TAAR2: variants seen among roughly 807,000 people sequenced by gnomAD.
TAAR2 encodes trace amine associated receptor 2.
In TAAR2, 30 loss-of-function variants were observed where a neutral mutation model predicts 25.5. The ratio of observed to expected loss-of-function variants is 1.18; its 90% confidence interval spans 0.88 to 1.60. The LOEUF is 1.60. TAAR2 is among the 40% of genes most tolerant of loss of function. The probability of loss-of-function intolerance (pLI) is 0.00; values close to 1 mark genes in which losing one functional copy is unlikely to be tolerated. For synonymous variants in TAAR2, 150 were observed against 142.4 expected (o/e 1.05, Z -0.38); for missense variants, 481 against 416.5 (o/e 1.15, Z -1.35).
At chr6:132,622,503 T>C (rs1777387908) in intron 1 of TAAR2, among the ~76,000 whole-genome samples, 1 of 131,910 alleles carries the variant, frequency 7.6e-6, no homozygotes, top group African/African-American at 3.4e-5. Context: ...TTTTTTTTTT[T>C]GAGGCGGAGT....
In TAAR2 at chr6:132,624,207, A is replaced by G. The variant is rs1777412898; in HGVS notation, c.60+9T>C. The G allele has an allele frequency of 6.2e-7, 1 of 1,613,304 alleles. No individual in the cohort carries two copies. Among genetic ancestry groups the G allele is most frequent in the African/African-American group, 1.3e-5 (1 of 75,006 alleles). On this transcript the variant is annotated intron_variant, in intron 1 of 1. Coordinates refer to ENST00000367931, the MANE Select transcript of TAAR2 (RefSeq NM_001033080.1). Reference sequence around the variant, plus strand: ...TGGTTTAAACTTAGTCATATGTTTAAGGGCCTACCTTTTTTGTCTGTGTTC... The same window carrying G: ...TGGTTTAAACTTAGTCATATGTTTAGGGGCCTACCTTTTTTGTCTGTGTTC...
chr6:132,618,178 A>C, intron 1 of TAAR2, 33 bp from the exon 2 acceptor site: 1 of 1,526,928 alleles, frequency 6.5e-7, no homozygotes, highest in Non-Finnish European at 8.8e-7. Flanking sequence ...GAATTTTGTC[A>C]GAATATAAAT....
In TAAR2 at chr6:132,617,303, T is replaced by C. The variant is rs771142804; in HGVS notation, c.903A>G (p.Thr301=). 5.0e-6 allele frequency: 8 copies of C among 1,613,508 alleles called. No homozygotes were observed. In the Admixed American group the frequency reaches 1.0e-4, roughly 20 times the overall value. Residue 301 remains threonine (T), a synonymous_variant, in exon 2 of 2, where the codon ACA becomes ACG. Coordinates refer to ENST00000367931, the MANE Select transcript of TAAR2 (RefSeq NM_001033080.1). ...ATGTGGAGTTAAAATAGCCAAACCA[T>C]GTCAAGGCATCAAACAAAACTACAG... The part of the protein sequence containing the change: ...STPVVLFDAL[T]WFGYFNSTCN...
rs541514878 is a variant in TAAR2, at chr6:132,618,767, C to T, written c.61-622G>A. 2.9e-4 allele frequency among the ~76,000 whole-genome samples: 44 copies of T among 152,128 alleles called. 1 individual carries two copies. The highest frequency in any genetic ancestry group is 5.4e-4 in the Non-Finnish European group (37 of 68,022). Reference sequence around the variant, plus strand: ...AAACAAATTATTGAGCTGTATCTTACGTGTGTAGGAAGAATAGATATCTAT... The same window carrying T: ...AAACAAATTATTGAGCTGTATCTTATGTGTGTAGGAAGAATAGATATCTAT... On this transcript the variant is annotated intron_variant, in intron 1 of 1. Transcript: ENST00000367931.
intron 1 of TAAR2, among the ~76,000 whole-genome samples, chr6:132,623,706 GA>G (rs5880137): frequency 1.3e-3 from 185 of 140,468 alleles, no homozygotes; most frequent in East Asian, 2.0e-3. Flanking sequence ...ATCTGAAAGT[GA>G]AAAAAAAAAA....
rs207467452 is a variant in TAAR2 at position 132,617,786 on chromosome 6, A to G, written c.420T>C (p.Asp140=). ...ATGGGTAACATATAGCATAAAATCT[A>G]TCAATGGCCACTGAGCAAAGATGAA... ...SIFHLCSVAI[D]RFYAICYPLL... The change falls in exon 2 of 2, where the codon GAT becomes GAC. Residue 140 remains aspartate, a synonymous_variant. Transcript: ENST00000367931. The G allele has an allele frequency of 6.2e-7, 1 of 1,614,128 alleles. No homozygotes were observed. Among genetic ancestry groups the G allele is most frequent in the Non-Finnish European group, 8.5e-7 (1 of 1,180,004 alleles).
chr6:132,624,117 T>C, intron 1 of TAAR2, 99 bp downstream of exon 1: 1 of 1,128,206 alleles, frequency 8.9e-7, no homozygotes, highest in South Asian at 1.4e-5. Context: ...TCTGGAGGAA[T>C]TGAGCATAAT....
chr6:132,618,804 T>C (rs2114609981), intron 1 of TAAR2, among the ~76,000 whole-genome samples: 1 of 152,328 alleles, frequency 6.6e-6, no homozygotes, highest in African/African-American at 2.4e-5. Flanking sequence ...AGACAATACA[T>C]GTACTTCTTC....
In TAAR2 at chr6:132,617,475, T is replaced by C. The variant is rs375499103; in HGVS notation, c.731A>G (p.Asn244Ser). 4 of 1,613,846 alleles carry C rather than the reference T, an allele frequency of 2.5e-6. No homozygotes were observed. Among genetic ancestry groups the C allele is most frequent in the African/African-American group, 1.3e-5 (1 of 74,908 alleles). Residue 244 changes from asparagine to serine, a missense_variant, in exon 2 of 2, where the codon AAT becomes AGT. By Grantham distance (46) the Asn-to-Ser change is conservative. Coordinates refer to ENST00000367931, the MANE Select transcript of TAAR2 (RefSeq NM_001033080.1). ...ATTATTTTGATTTTCTCGCAAGTTA[T>C]TGATGGCATGAGCATGTTTTCTGGA... ...AVSRKHAHAI[N>S]NLRENQNNQV...
chr6:132,622,909 T>A (rs1369463909), intron 1 of TAAR2, among the ~76,000 whole-genome samples: 1 of 152,236 alleles, frequency 6.6e-6, no homozygotes, highest in African/African-American at 2.4e-5. Flanking sequence ...GTTCAATTTC[T>A]ATCAAATATT....
At position 132,618,024 on chromosome 6, in the gene TAAR2, T is replaced by A. The variant is rs752518884; in HGVS notation, c.182A>T (p.Asn61Ile). ...GGAAATGGAAATTATCATGGCAAGA[T>A]TGCCAAATATTGTGATGAATATGGA... ...AGSIFITIFG[N>I]LAMIISISYF... Residue 61 changes from asparagine (N) to isoleucine (I), a missense_variant, in exon 2 of 2, where the codon AAT becomes ATT. Transcript: ENST00000367931. The A allele has an allele frequency of 1.2e-6, 2 of 1,614,064 alleles. No homozygotes were observed.
chr6:132,617,222 GTA>G lies in TAAR2; in HGVS notation c.982_983del (p.Tyr328HisfsTer5). 6.2e-7 allele frequency: 1 copy of G among 1,610,510 alleles called. No individual in the cohort carries two copies. The highest frequency in any genetic ancestry group is 1.3e-5 in the African/African-American group (1 of 74,844). On this transcript the variant is annotated frameshift_variant, in exon 2 of 2. Transcript: ENST00000367931. LOFTEE classifies it high-confidence loss of function. ...AGCTGAAAATTTTACCTAGCAAAAT[GTA>G]CTTCAGTGCTCTGCGAAACCAGGGA... is the stretch of plus-strand genomic sequence containing the variant. The part of the protein sequence containing the change: ...FYPWFRRALK[Y>X]ILLGKIFSSC...
intron 1 of TAAR2, among the ~76,000 whole-genome samples, chr6:132,622,523 T>C (rs905034197): frequency 4.4e-5 from 6 of 135,608 alleles, no homozygotes; most frequent in Non-Finnish European, 6.2e-5. Context: ...TCTCCCTCTG[T>C]AGCCCAGGCT....
chr6:132,618,642 G>GA (rs879678522), intron 1 of TAAR2, among the ~76,000 whole-genome samples: 508 of 141,184 alleles, frequency 3.6e-3, no homozygotes, highest in African/African-American at 0.011. Flanking sequence ...TCCATCTCGA[G>GA]AAAAAAAAAA....
intron 1 of TAAR2, among the ~76,000 whole-genome samples, chr6:132,619,843 G>A (rs951352756): frequency 6.6e-6 from 1 of 152,084 alleles, no homozygotes; most frequent in Non-Finnish European, 1.5e-5. Flanking sequence ...TGGGTGAGTA[G>A]GATTTGAACA....
At chr6:132,619,612 C>T (rs1025613898) in intron 1 of TAAR2, among the ~76,000 whole-genome samples, 1 of 152,136 alleles carries the variant, frequency 6.6e-6, no homozygotes, top group African/African-American at 2.4e-5. Flanking sequence ...AAGGTCAACC[C>T]TGCAGCAGAG....
intron 1 of TAAR2, among the ~76,000 whole-genome samples, chr6:132,621,805 T>C (rs543183184): frequency 6.6e-6 from 1 of 152,280 alleles, no homozygotes; most frequent in East Asian, 1.9e-4. Context: ...CCACAAAGTA[T>C]GGAGGGGTAT....
Position 132,617,385 on chromosome 6 carries a change from C to A in TAAR2, c.821G>T (p.Cys274Phe). 1 of 1,613,734 alleles carries A rather than the reference C, an allele frequency of 6.2e-7. No homozygotes were observed. Among genetic ancestry groups the A allele is most frequent in the Non-Finnish European group, 8.5e-7 (1 of 1,179,868 alleles). Reference sequence around the variant, plus strand: ...AATTGTGAAGAAACAAGGAAACCAACATAATAAGAAAACTCCTATCACTAT... The same window carrying A: ...AATTGTGAAGAAACAAGGAAACCAAAATAATAAGAAAACTCCTATCACTAT... ...LGIVIGVFLLCWFPCFFTILL... is the reference protein window; with the variant it reads ...LGIVIGVFLLFWFPCFFTILL... Residue 274 changes from cysteine to phenylalanine, a missense_variant, in exon 2 of 2, where the codon TGT becomes TTT. Cys to Phe is a radical substitution (Grantham distance 205, BLOSUM62 -2). Transcript: ENST00000367931.
In TAAR2 at chr6:132,618,044, T is replaced by A; in HGVS notation, c.162A>T (p.Ile54=). 6.2e-7 allele frequency: 1 copy of A among 1,614,070 alleles called. No individual in the cohort carries two copies. The highest frequency in any genetic ancestry group is 8.5e-7 in the Non-Finnish European group (1 of 1,179,972). Residue 54 remains isoleucine, a synonymous_variant, in exon 2 of 2, where the codon ATA becomes ATT. Coordinates refer to ENST00000367931, the MANE Select transcript of TAAR2 (RefSeq NM_001033080.1). The part of the protein sequence containing the change: ...VAMYSFMAGS[I]FITIFGNLAM... ...CAAGATTGCCAAATATTGTGATGAA[T>A]ATGGATCCTGCCATAAATGAATACA...
Sources: gnomAD v4.1 joint callset for allele counts (sites outside exome capture counted in the v4.1 genomes callset) on GRCh38, gnomAD v4.1.1 for gene constraint, MANE v1.5 for transcripts, NCBI Gene and HGNC (gene_info 2026-07-23, HGNC 2026-07-21) for gene names.